The following PIK3CB variants were observed in gnomAD, a reference collection of about 807,000 sequenced individuals.
PIK3CB encodes phosphatidylinositol-4,5-bisphosphate 3-kinase catalytic subunit beta, also known as phosphatidylinositol 4,5-bisphosphate 3-kinase catalytic subunit beta isoform.
Under a neutral mutation model 136.8 loss-of-function variants are expected in PIK3CB, and 39 were observed. That is an observed-to-expected ratio of 0.29 (90% CI 0.22 to 0.37). PIK3CB has a LOEUF of 0.37. Among genes scored for constraint, PIK3CB ranks in the 10% least tolerant of loss-of-function variants. PIK3CB has a pLI of 1.00. For synonymous variants in PIK3CB, 428 were observed against 436.6 expected (o/e 0.98, Z 0.25); for missense variants, 868 against 1,275.4 (o/e 0.68, Z 4.87).
At chr3:138,788,429 G>A (rs1295103793) in intron 2 of PIK3CB, among the ~76,000 whole-genome samples, 1 of 151,426 alleles carries the variant, frequency 6.6e-6, no homozygotes, top group African/African-American at 2.4e-5. Flanking sequence ...GACCGAGGCG[G>A]GCAGATCACC....
At chr3:138,834,232 T>C (rs528947530) in intron 1 of PIK3CB, among the ~76,000 whole-genome samples, 8 of 152,370 alleles carry the variant, frequency 5.3e-5, no homozygotes, top group South Asian at 4.1e-4. Context: ...AGCAGCGGCG[T>C]TGGGATTCGA....
chr3:138,689,593 T>C (rs2043966145), intron 15 of PIK3CB, among the ~76,000 whole-genome samples: 1 of 152,198 alleles, frequency 6.6e-6, no homozygotes, highest in Non-Finnish European at 1.5e-5. Flanking sequence ...CTGGCTACTT[T>C]GTGCATAATT....
At chr3:138,696,635 A>G (rs1240378343) in intron 13 of PIK3CB, among the ~76,000 whole-genome samples, 1 of 152,164 alleles carries the variant, frequency 6.6e-6, no homozygotes, top group Non-Finnish European at 1.5e-5. Flanking sequence ...CTCATGGGTT[A>G]TTGGGGGGAA....
chr3:138,727,825 A>G (rs997832953), intron 8 of PIK3CB, among the ~76,000 whole-genome samples: 1 of 152,136 alleles, frequency 6.6e-6, no homozygotes, highest in Non-Finnish European at 1.5e-5. Flanking sequence ...TACCCATTAA[A>G]TAAATTTTGA....
At chr3:138,664,286 G>A (rs2043361103) in intron 20 of PIK3CB, among the ~76,000 whole-genome samples, 1 of 152,086 alleles carries the variant, frequency 6.6e-6, no homozygotes, top group South Asian at 2.1e-4. Flanking sequence ...TGTTTCGGTG[G>A]GGCTGTGAGT....
At chr3:138,784,554 G>A (rs1217205176) in intron 2 of PIK3CB, among the ~76,000 whole-genome samples, 1 of 152,150 alleles carries the variant, frequency 6.6e-6, no homozygotes, top group Non-Finnish European at 1.5e-5. Flanking sequence ...CTCAGCCTGA[G>A]GAGTGCCTGG....
At chr3:138,666,849 A>G (rs1003806951) in intron 19 of PIK3CB, among the ~76,000 whole-genome samples, 1 of 152,164 alleles carries the variant, frequency 6.6e-6, no homozygotes, top group Non-Finnish European at 1.5e-5. Context: ...CAAATGTACA[A>G]TGTGCATGTG....
At chr3:138,683,530 T>C in intron 18 of PIK3CB, 148 bp downstream of exon 18, 1 of 588,858 alleles carries the variant, frequency 1.7e-6, no homozygotes, top group African/African-American at 1.9e-5. Context: ...ATTTAGGACA[T>C]GTTCAACTTG....
chr3:138,663,151 A>T lies in PIK3CB; in HGVS notation c.2796+755T>A, dbSNP rs1465501120. 2.6e-5 allele frequency among the ~76,000 whole-genome samples: 4 copies of T among 152,266 alleles called. No homozygotes were observed. The South Asian group carries it at 8.3e-4, about 32-fold the overall frequency. On this transcript the variant is annotated intron_variant, in intron 21 of 23. Transcript: ENST00000674063. ...TACAAAATGGGAGAAAATTTTCGCA[A>T]CCTACTCATCTGACAAATGGCTAAT...
chr3:138,757,688 G>T (rs1411736347), intron 3 of PIK3CB, among the ~76,000 whole-genome samples: 1 of 142,352 alleles, frequency 7.0e-6, no homozygotes, highest in Non-Finnish European at 1.5e-5. Context: ...GAGGGAGGGA[G>T]GGAGGAAGAG....
Position 138,693,945 on chromosome 3 carries a change from ATATATATATATATATATATAT to A in PIK3CB, c.1892+820_1892+840del, listed in dbSNP as rs1405708867. Among the ~76,000 whole-genome samples, 1,193 of 35,868 alleles carry A rather than the reference ATATATATATATATATATATAT, an allele frequency of 0.033. 56 individuals are homozygous for A. The East Asian group carries it at 0.49, about 15-fold the overall frequency. The allele number at this position is 35,868 out of a possible 152,430, so 23.5% of individuals were successfully genotyped here. ...TAATGTATTTGCTTAAAATATATAT[ATATATATATATATATATATAT>A]TATATATATATATATATATATATAT... On this transcript the variant is annotated intron_variant, in intron 14 of 23. Transcript: ENST00000674063.
Position 138,653,145 on chromosome 3 carries a change from T to C in PIK3CB, c.*2244A>G, listed in dbSNP as rs1560507773. 1.6e-5 allele frequency: 3 copies of C among 182,190 alleles called. No homozygotes were observed. In the Admixed American group the frequency reaches 1.9e-4, roughly 11 times the overall value. The allele number at this position is 182,190 out of a possible 1,614,324, so 11.3% of individuals were successfully genotyped here. ...ACATATTTTGGAAAACTCAATATTC[T>C]GGAGATGTCAATTTGTCTCAACCTT... On this transcript the variant is annotated 3_prime_UTR_variant, in exon 24 of 24. Coordinates refer to ENST00000674063, the MANE Select transcript of PIK3CB (RefSeq NM_006219.3).
chr3:138,777,259 TTCAG>T (rs1010158901), intron 2 of PIK3CB, among the ~76,000 whole-genome samples: 11 of 152,294 alleles, frequency 7.2e-5, no homozygotes, highest in Non-Finnish European at 1.0e-4. Context: ...TGAATATGGC[TTCAG>T]TGATGGCTTG....
At chr3:138,830,715 C>G (rs574183169) in intron 1 of PIK3CB, among the ~76,000 whole-genome samples, 63 of 150,152 alleles carry the variant, frequency 4.2e-4, no homozygotes, top group African/African-American at 1.5e-3. Flanking sequence ...CTGGTGAACA[C>G]GGTGAAACCC....
At chr3:138,813,639 G>A (rs1296444161) in intron 1 of PIK3CB, among the ~76,000 whole-genome samples, 3 of 151,760 alleles carry the variant, frequency 2.0e-5, no homozygotes, top group Non-Finnish European at 4.4e-5. Flanking sequence ...GGACAGTCTC[G>A]ATCTCCTGAC....
chr3:138,786,569 C>T (rs1245266218), intron 2 of PIK3CB, among the ~76,000 whole-genome samples: 1 of 152,048 alleles, frequency 6.6e-6, no homozygotes, highest in African/African-American at 2.4e-5. Flanking sequence ...TGGTCTCGAA[C>T]TCCTCACCTC....
At chr3:138,760,166 G>A (rs925174974) in intron 2 of PIK3CB, among the ~76,000 whole-genome samples, 14 of 152,094 alleles carry the variant, frequency 9.2e-5, no homozygotes, top group Admixed American at 7.9e-4. Flanking sequence ...CTCGTGATCC[G>A]CCCGCCTTGG....
At chr3:138,797,608 CTGAT>C in intron 1 of PIK3CB, among the ~76,000 whole-genome samples, 1 of 152,072 alleles carries the variant, frequency 6.6e-6, no homozygotes, top group Non-Finnish European at 1.5e-5. Context: ...GTACATAAAG[CTGAT>C]TGTTTTTCCA....
intron 2 of PIK3CB, among the ~76,000 whole-genome samples, chr3:138,761,562 G>C (rs971029961): frequency 7.9e-5 from 12 of 152,118 alleles, no homozygotes; most frequent in Non-Finnish European, 1.6e-4. Context: ...ACAAGGTCAG[G>C]AGTTCGAGGC....
Sources: allele counts gnomAD v4.1 joint callset (sites outside exome capture counted in the v4.1 genomes callset), GRCh38; gene constraint gnomAD v4.1.1; transcripts MANE v1.5; gene names NCBI Gene and HGNC (gene_info 2026-07-23, HGNC 2026-07-21).